The following CDH10 variants were observed in gnomAD, a reference collection of about 807,000 sequenced individuals.
The protein encoded by CDH10 is cadherin-10.
CDH10 carries 30 observed loss-of-function variants against 73.1 expected under a neutral mutation model. The observed-to-expected ratio is 0.41, with a 90% CI of 0.31 to 0.56. The LOEUF (loss-of-function observed/expected upper bound fraction) is 0.56, where lower values mean the gene tolerates loss of function less well. Ranked by LOEUF, CDH10 falls within the 20% of genes least tolerant of loss-of-function variation. The pLI, the probability that CDH10 is intolerant of heterozygous loss-of-function variation, is 0.27. For missense variants in CDH10, 815 were observed against 973.7 expected, an observed-to-expected ratio of 0.84 and a Z score of 2.17; for synonymous variants, 345 against 348.2, an observed-to-expected ratio of 0.99 and a Z score of 0.10.
intron 10 of CDH10, 54 bp downstream of exon 10, chr5:24,492,763 G>T (rs1742108468): frequency 1.3e-6 from 1 of 786,132 alleles, no homozygotes; most frequent in African/African-American, 1.7e-5. Flanking sequence ...TTACACTCGG[G>T]AAATTTCCTG....
At chr5:24,593,014 G>T (rs1203925620) in intron 2 of CDH10, among the ~76,000 whole-genome samples, 2 of 151,442 alleles carry the variant, frequency 1.3e-5, no homozygotes, top group Non-Finnish European at 3.0e-5. Context: ...TTGCAGTTTT[G>T]AGTACCTCTT....
At chr5:24,509,539 G>A (rs775846051) in intron 7 of CDH10, 27 bp downstream of exon 7, 3 of 1,610,112 alleles carry the variant, frequency 1.9e-6, no homozygotes, top group South Asian at 1.1e-5. Flanking sequence ...GAGCCCGGCT[G>A]TTTTCATTTT....
chr5:24,493,639 T>C (rs1322493561), intron 9 of CDH10, among the ~76,000 whole-genome samples: 1 of 151,922 alleles, frequency 6.6e-6, no homozygotes, highest in Non-Finnish European at 1.5e-5. Flanking sequence ...TGTATATATA[T>C]GTAATAGGTA....
intron 2 of CDH10, among the ~76,000 whole-genome samples, chr5:24,561,231 AAT>A (rs1472379506): frequency 6.6e-6 from 1 of 152,202 alleles, no homozygotes; most frequent in African/African-American, 2.4e-5. Context: ...AGTGGAACAG[AAT>A]ATGTTTGGGG....
chr5:24,572,405 T>C (rs2112026440), intron 2 of CDH10, among the ~76,000 whole-genome samples: 1 of 152,210 alleles, frequency 6.6e-6, no homozygotes, highest in African/African-American at 2.4e-5. Flanking sequence ...AGCCGGAAGC[T>C]ATCTGCATGC....
At chr5:24,548,698 T>C (rs1744435860) in intron 2 of CDH10, among the ~76,000 whole-genome samples, 1 of 152,056 alleles carries the variant, frequency 6.6e-6, no homozygotes, top group Non-Finnish European at 1.5e-5. Flanking sequence ...ATAAAATTAA[T>C]AATCAGAGTG....
At chr5:24,509,976 T>C (rs1012265787) in intron 6 of CDH10, among the ~76,000 whole-genome samples, 157 bp from the exon 7 acceptor site, 1 of 152,208 alleles carries the variant, frequency 6.6e-6, no homozygotes, top group Non-Finnish European at 1.5e-5. Context: ...AATCTTCATG[T>C]TTCATTTAGG....
At chr5:24,638,562 G>T (rs1747943122) in intron 1 of CDH10, among the ~76,000 whole-genome samples, 1 of 151,782 alleles carries the variant, frequency 6.6e-6, no homozygotes, top group African/African-American at 2.4e-5. Flanking sequence ...GATAAATAAA[G>T]ATTTTCTGTA....
At position 24,509,503 on chromosome 5, in the gene CDH10, T is replaced by G. The variant is rs1019853896; in HGVS notation, c.1256+63A>C. Reference sequence around the variant, plus strand: ...ATCCACCCGCCTCGGCCTCCCAAAGTGCTGGGATTACAGGCGTGAGCCACC... The same window carrying G: ...ATCCACCCGCCTCGGCCTCCCAAAGGGCTGGGATTACAGGCGTGAGCCACC... On this transcript the variant is annotated intron_variant, in intron 7 of 11. Transcript: ENST00000264463. 13 of 1,501,126 alleles carry G rather than the reference T, an allele frequency of 8.7e-6. No individual in the cohort carries two copies. In the Admixed American group the frequency reaches 2.3e-4, roughly 27 times the overall value. The allele number at this position is 1,501,126 out of a possible 1,614,324, so 93.0% of individuals were successfully genotyped here.
chr5:24,564,601 C>T (rs904421947), intron 2 of CDH10, among the ~76,000 whole-genome samples: 1 of 152,130 alleles, frequency 6.6e-6, no homozygotes, highest in Non-Finnish European at 1.5e-5. Flanking sequence ...CCCTCCAGGA[C>T]ATTTTTATAT....
chr5:24,627,208 A>C (rs1057303548), intron 1 of CDH10, among the ~76,000 whole-genome samples: 3 of 152,104 alleles, frequency 2.0e-5, no homozygotes, highest in Non-Finnish European at 4.4e-5. Flanking sequence ...CTTTTAAGTT[A>C]GTTTTAGTGA....
chr5:24,571,157 C>T (rs1442930144), intron 2 of CDH10, among the ~76,000 whole-genome samples: 1 of 152,088 alleles, frequency 6.6e-6, no homozygotes, highest in Non-Finnish European at 1.5e-5. Context: ...CTCTCACAAC[C>T]AGCATCTCAG....
chr5:24,493,854 A>T (rs906540654), intron 9 of CDH10, among the ~76,000 whole-genome samples: 1 of 151,860 alleles, frequency 6.6e-6, no homozygotes, highest in Non-Finnish European at 1.5e-5. Context: ...CTGGATGAAA[A>T]TATTTGTTGT....
chr5:24,573,594 CG>C (rs1202419950), intron 2 of CDH10, among the ~76,000 whole-genome samples: 2 of 150,050 alleles, frequency 1.3e-5, no homozygotes, highest in Non-Finnish European at 1.5e-5. Flanking sequence ...CCAGCTACTC[CG>C]GAGGCTGAGG....
intron 8 of CDH10, 65 bp downstream of exon 8, chr5:24,505,047 A>G: frequency 9.0e-7 from 1 of 1,105,738 alleles, no homozygotes; most frequent in Non-Finnish European, 1.3e-6. Flanking sequence ...AATATGTTAA[A>G]CTGCATAAAA....
intron 2 of CDH10, among the ~76,000 whole-genome samples, chr5:24,569,138 C>T (rs1211430657): frequency 6.6e-6 from 1 of 151,688 alleles, no homozygotes; most frequent in African/African-American, 2.4e-5. Context: ...GTTCCTGAGA[C>T]ATGCTACAAA....
intron 1 of CDH10, among the ~76,000 whole-genome samples, chr5:24,618,253 T>G (rs567330081): frequency 6.6e-6 from 1 of 152,340 alleles, no homozygotes; most frequent in South Asian, 2.1e-4. Context: ...CTCTGGAAAC[T>G]GCACTCTCAT....
At chr5:24,560,265 A>C (rs932463867) in intron 2 of CDH10, among the ~76,000 whole-genome samples, 5 of 150,404 alleles carry the variant, frequency 3.3e-5, no homozygotes, top group Admixed American at 6.7e-5. Flanking sequence ...AACATTCTAC[A>C]CATTTCCTCT....
chr5:24,520,858 C>T (rs902485500), intron 5 of CDH10, among the ~76,000 whole-genome samples: 2 of 151,830 alleles, frequency 1.3e-5, no homozygotes, highest in Middle Eastern at 6.3e-3. Context: ...TCCCAAATAG[C>T]TGGGATTACA....
Sources: allele counts gnomAD v4.1 joint callset (sites outside exome capture counted in the v4.1 genomes callset), GRCh38; gene constraint gnomAD v4.1.1; transcripts MANE v1.5; gene names NCBI Gene and HGNC (gene_info 2026-07-23, HGNC 2026-07-21).